SGCD: variants seen among roughly 807,000 people sequenced by gnomAD.
SGCD encodes the protein sarcoglycan delta.
A neutral mutation model predicts 36.6 loss-of-function variants in SGCD; 18 were observed. That is an observed-to-expected ratio of 0.49 (90% CI 0.34 to 0.73). The LOEUF is 0.73. Among genes scored for constraint, SGCD ranks in the 30% least tolerant of loss-of-function variants. The pLI is 0.01. For missense variants in SGCD, 387 were observed against 346.7 expected (o/e 1.12, Z -0.92); for synonymous variants, 133 against 130.6 (o/e 1.02, Z -0.12).
chr5:156,015,262 C>A (rs1758944818), intron 1 of SGCD, among the ~76,000 whole-genome samples: 1 of 152,086 alleles, frequency 6.6e-6, no homozygotes. Context: ...TCCATGGATT[C>A]TTTTTTATTC....
intron 1 of SGCD, among the ~76,000 whole-genome samples, chr5:156,067,965 C>A (rs1760383880): frequency 7.7e-6 from 1 of 129,244 alleles, no homozygotes; most frequent in Non-Finnish European, 1.5e-5. Flanking sequence ...GGCTCCTCCC[C>A]CCCACTTTTT....
At chr5:156,335,174 C>T (rs1335429415) in intron 2 of SGCD, among the ~76,000 whole-genome samples, 1 of 152,180 alleles carries the variant, frequency 6.6e-6, no homozygotes, top group Non-Finnish European at 1.5e-5. Flanking sequence ...ATGTATCTGC[C>T]TGAAAGCACC....
At chr5:155,847,742 C>T in the SGCD span, among the ~76,000 whole-genome samples, 2 of 152,206 alleles carry the variant, frequency 1.3e-5, no homozygotes, top group South Asian at 4.1e-4. Context: ...GCCAGTCCCA[C>T]CTGTTCCAGC....
chr5:155,904,955 C>T (rs754299050), intron 1 of SGCD, among the ~76,000 whole-genome samples: 1 of 152,160 alleles, frequency 6.6e-6, no homozygotes, highest in Non-Finnish European at 1.5e-5. Context: ...TCCGTTTCTT[C>T]TTCTATAAAC....
intron 3 of SGCD, among the ~76,000 whole-genome samples, chr5:156,317,594 A>G (rs958677987): frequency 3.3e-5 from 5 of 152,144 alleles, no homozygotes; most frequent in African/African-American, 1.2e-4. Flanking sequence ...TATTCACATG[A>G]TGTGTTGAAA....
chr5:156,594,566 G>A lies in SGCD; in HGVS notation c.383-366G>A, dbSNP rs1381960277. Among the ~76,000 whole-genome samples, 7 of 152,276 alleles carry A rather than the reference G, an allele frequency of 4.6e-5. No individual in the cohort carries two copies. The South Asian group carries it at 1.2e-3, about 27-fold the overall frequency. ...AAGATATGTGATTGTCTCGAGAAGT[G>A]TTGAGCCTCTGGTGCCTTGAGAAAT... On this transcript the variant is annotated intron_variant, in intron 5 of 8. Transcript: ENST00000337851.
chr5:156,205,277 G>A (rs1164806455), intron 3 of SGCD, among the ~76,000 whole-genome samples: 1 of 152,006 alleles, frequency 6.6e-6, no homozygotes, highest in African/African-American at 2.4e-5. Flanking sequence ...TAAGAGTTAA[G>A]ATTCTTTTGT....
chr5:156,445,028 G>A lies in SGCD; in HGVS notation c.193-63573G>A, dbSNP rs547419983. On this transcript the variant is annotated intron_variant, in intron 3 of 8. Coordinates refer to ENST00000337851, the MANE Select transcript of SGCD (RefSeq NM_000337.6). ...TTTAGGTATAATTGAGAGCATTAGCGTTCTTCATAATAGCCCAGTGAATGT... is the reference window on the plus strand; with the variant it reads ...TTTAGGTATAATTGAGAGCATTAGCATTCTTCATAATAGCCCAGTGAATGT... Among the ~76,000 whole-genome samples, 5 of 152,090 alleles carry A rather than the reference G, an allele frequency of 3.3e-5. No individual in the cohort carries two copies. In the East Asian group the frequency reaches 5.8e-4, roughly 18 times the overall value.
chr5:156,130,014 G>A (rs1468747953), intron 3 of SGCD, among the ~76,000 whole-genome samples: 1 of 152,194 alleles, frequency 6.6e-6, no homozygotes, highest in Non-Finnish European at 1.5e-5. Flanking sequence ...CCAGTAATGG[G>A]ATTGCTGGGT....
At chr5:155,734,904 A>G in the SGCD span, among the ~76,000 whole-genome samples, 546 of 152,302 alleles carry the variant, frequency 3.6e-3, 6 homozygotes, top group African/African-American at 0.012. Flanking sequence ...AGATGTCTTT[A>G]TAATGTGTTC....
At chr5:155,733,014 GTTT>G in the SGCD span, among the ~76,000 whole-genome samples, 53,328 of 141,376 alleles carry the variant, frequency 0.38, 10,356 homozygotes, top group East Asian at 0.58. Flanking sequence ...TGTTATACTC[GTTT>G]TTTTTTTTTT....
chr5:156,692,747 G>C (rs1478687692), intron 7 of SGCD, among the ~76,000 whole-genome samples: 1 of 152,144 alleles, frequency 6.6e-6, no homozygotes, highest in African/African-American at 2.4e-5. Flanking sequence ...GTAATATTAA[G>C]AGGAAATCAG....
At chr5:156,734,751 T>C (rs950467251) in intron 7 of SGCD, among the ~76,000 whole-genome samples, 1 of 152,206 alleles carries the variant, frequency 6.6e-6, no homozygotes, top group African/African-American at 2.4e-5. Flanking sequence ...ATTTTGGCTG[T>C]CAGTTCCTGC....
intron 3 of SGCD, among the ~76,000 whole-genome samples, chr5:156,433,797 G>T (rs1753127901): frequency 1.3e-5 from 2 of 152,162 alleles, no homozygotes; most frequent in South Asian, 2.1e-4. Context: ...TTCTCCCTGT[G>T]CATGTTTCAG....
chr5:156,642,461 C>CT (rs58501471), intron 6 of SGCD, among the ~76,000 whole-genome samples: 11,169 of 79,856 alleles, frequency 0.14, 778 homozygotes, highest in African/African-American at 0.21. Context: ...CAGCATCAGT[C>CT]TTTTTTTTTT....
At position 156,013,059 on chromosome 5, in the gene SGCD, T is replaced by A. The variant is rs1181463694; in HGVS notation, c.-281-104819T>A. The stretch of plus-strand genomic sequence containing the variant: ...TTTTTCTTTTGTGATGGAGTCTCGC[T>A]CTGTCGCCAAGGCTGGAGTGCAGTG... On this transcript the variant is annotated intron_variant, in intron 1 of 9. Coordinates refer to the SGCD transcript ENST00000517913. 2.7e-5 allele frequency among the ~76,000 whole-genome samples: 4 copies of A among 150,058 alleles called. No individual in the cohort carries two copies. In the East Asian group the frequency reaches 7.8e-4, roughly 29 times the overall value.
intron 7 of SGCD, among the ~76,000 whole-genome samples, chr5:156,677,839 T>G (rs1290319361): frequency 3.9e-5 from 6 of 152,206 alleles, no homozygotes; most frequent in Admixed American, 1.3e-4. Context: ...TTCTTATTAT[T>G]TCTATTGCAT....
chr5:156,648,209 C>A (rs1158485126), intron 7 of SGCD, among the ~76,000 whole-genome samples: 2 of 151,216 alleles, frequency 1.3e-5, no homozygotes, highest in African/African-American at 2.4e-5. Context: ...TAGAACTATT[C>A]TTTCTATTGC....
intron 3 of SGCD, among the ~76,000 whole-genome samples, chr5:156,459,710 C>T (rs1188922592): frequency 1.3e-5 from 2 of 152,160 alleles, no homozygotes; most frequent in African/African-American, 4.8e-5. Flanking sequence ...GGCCAATTAG[C>T]ATCTTGACTT....
Sources: allele counts gnomAD v4.1 joint callset (sites outside exome capture counted in the v4.1 genomes callset), GRCh38; gene constraint gnomAD v4.1.1; transcripts MANE v1.5; gene names NCBI Gene and HGNC (gene_info 2026-07-23, HGNC 2026-07-21).